Variants in PIAS2 observed in about 807,000 individuals in gnomAD.
The protein encoded by PIAS2 is E3 SUMO-protein ligase PIAS2.
PIAS2 carries 19 observed loss-of-function variants against 69.7 expected under a neutral mutation model. The ratio of observed to expected loss-of-function variants is 0.27; its 90% CI spans 0.19 to 0.40. The LOEUF is 0.40. PIAS2 is among the 10% of genes least tolerant of loss of function. PIAS2 has a pLI of 1.00. For synonymous variants in PIAS2, 261 were observed against 263.2 expected (o/e 0.99, Z 0.08); for missense variants, 624 against 757.0 (o/e 0.82, Z 2.06).
At position 46,807,370 on chromosome 18, in the gene PIAS2, TATATATATATA is replaced by T. The variant is rs1302278539; in HGVS notation, c.*5052_*5062del. 4 of 28,312 alleles carry T rather than the reference TATATATATATA, an allele frequency of 1.4e-4. No homozygotes were observed. Among genetic ancestry groups the T allele is most frequent in the East Asian group, 4.9e-4 (1 of 2,032 alleles). The allele number at this position is 28,312 out of a possible 1,614,324, so 1.8% of individuals were successfully genotyped here. ...ATGTCAGATTTTATATATATATATATATATATATATATATTTTTTTTTTTTTTTTTTTTTTT... is the reference window on the plus strand; with the variant it reads ...ATGTCAGATTTTATATATATATATATTATTTTTTTTTTTTTTTTTTTTTTT... On this transcript the variant is annotated 3_prime_UTR_variant, in exon 14 of 14. Coordinates refer to ENST00000585916, the MANE Select transcript of PIAS2 (RefSeq NM_004671.5).
chr18:46,887,123 C>G (rs2053335272), intron 2 of PIAS2, among the ~76,000 whole-genome samples: 1 of 152,128 alleles, frequency 6.6e-6, no homozygotes, highest in South Asian at 2.1e-4. Flanking sequence ...GGACTTTGTA[C>G]AAACAAATAA....
At position 46,804,541 on chromosome 18, in the gene PIAS2, G is replaced by C. The variant is rs916236247; in HGVS notation, c.*7892C>G. 6 of 152,026 alleles carry C rather than the reference G, an allele frequency of 3.9e-5. No individual in the cohort carries two copies. Among genetic ancestry groups the C allele is most frequent in the Non-Finnish European group, 7.4e-5 (5 of 68,018 alleles). The allele number at this position is 152,026 out of a possible 1,614,324, so 9.4% of individuals were successfully genotyped here. A position where few individuals can be genotyped will look rare whatever the true frequency, so the allele number is the denominator to read the frequency against. ...TCAATGTCTCATCACTGTTTTACAA[G>C]GCCCTTCACGATCTATCTATGCATA... On this transcript the variant is annotated 3_prime_UTR_variant, in exon 14 of 14. Transcript: ENST00000585916.
At chr18:46,911,083 AG>A (rs1218108918) in intron 1 of PIAS2, among the ~76,000 whole-genome samples, 1 of 152,202 alleles carries the variant, frequency 6.6e-6, no homozygotes, top group Non-Finnish European at 1.5e-5. Context: ...AAATTAGAAA[AG>A]GCAGGCCAAG....
intron 1 of PIAS2, among the ~76,000 whole-genome samples, chr18:46,900,505 C>CAAAAA (rs770336105): frequency 7.0e-6 from 1 of 143,040 alleles, no homozygotes; most frequent in Non-Finnish European, 1.5e-5. Context: ...CAGGTTCTAC[C>CAAAAA]AAAAAAAAAA....
chr18:46,886,808 A>G (rs1006922966), intron 2 of PIAS2, among the ~76,000 whole-genome samples: 18 of 152,080 alleles, frequency 1.2e-4, no homozygotes, highest in Admixed American at 6.5e-4. Flanking sequence ...ACCGCCCTCC[A>G]TCCTGGGCGA....
rs370238206 is a variant in PIAS2, at chr18:46,844,829, A to G, written c.872T>C (p.Met291Thr). 1.1e-5 allele frequency: 15 copies of G among 1,414,962 alleles called. No individual in the cohort carries two copies. Among genetic ancestry groups the G allele is most frequent in the Non-Finnish European group, 1.4e-5 (15 of 1,062,940 alleles). 87.7% of individuals were successfully genotyped at this position (1,414,962 alleles called of 1,614,324 possible). A position where few individuals can be genotyped will look rare whatever the true frequency, so the allele number is the denominator to read the frequency against. Residue 291 changes from methionine to threonine, a missense_variant, in exon 7 of 14, where the codon ATG becomes ACG. Transcript: ENST00000585916. Reference protein sequence around the residue: ...WASEIGKNYSMSVYLVRQLTS... With the variant: ...WASEIGKNYSTSVYLVRQLTS... ...AAGCTGCCGTACAAGATATACAGAC[A>G]TAGAGTAATTCTACAAACAAACAAA... is the stretch of plus-strand genomic sequence containing the variant.
intron 1 of PIAS2, among the ~76,000 whole-genome samples, chr18:46,902,600 T>G (rs879938884): frequency 1.3e-5 from 2 of 152,118 alleles, no homozygotes; most frequent in Non-Finnish European, 2.9e-5. Flanking sequence ...AAATAAATTC[T>G]TCACGGATTG....
At chr18:46,892,602 G>A (rs966223650) in intron 1 of PIAS2, among the ~76,000 whole-genome samples, 4 of 151,310 alleles carry the variant, frequency 2.6e-5, no homozygotes, top group South Asian at 2.1e-4. Context: ...CTAACACCCC[G>A]TCTCCACAAA....
At chr18:46,914,067 A>G (rs1237000078) in intron 1 of PIAS2, among the ~76,000 whole-genome samples, 1 of 152,226 alleles carries the variant, frequency 6.6e-6, no homozygotes, top group East Asian at 1.9e-4. Context: ...TTAATTCAAA[A>G]TCTGTTCATT....
At chr18:46,887,740 T>C (rs2053441101) in intron 2 of PIAS2, among the ~76,000 whole-genome samples, 1 of 152,196 alleles carries the variant, frequency 6.6e-6, no homozygotes, top group South Asian at 2.1e-4. Flanking sequence ...TAAGTCCCTT[T>C]ATAAAAATAT....
At chr18:46,856,990 T>C (rs540614201) in intron 3 of PIAS2, among the ~76,000 whole-genome samples, 1 of 152,368 alleles carries the variant, frequency 6.6e-6, no homozygotes, top group African/African-American at 2.4e-5. Context: ...CTGTTAAAGA[T>C]GGAAAATTAC....
intron 2 of PIAS2, 60 bp downstream of exon 2, chr18:46,890,520 G>T: frequency 1.0e-6 from 1 of 986,338 alleles, no homozygotes; most frequent in Non-Finnish European, 1.5e-6. Flanking sequence ...ATCAATAGTT[G>T]AAGGTCTCTC....
At chr18:46,820,173 A>T (rs1028500721) in intron 12 of PIAS2, among the ~76,000 whole-genome samples, 8 of 152,248 alleles carry the variant, frequency 5.3e-5, no homozygotes, top group Admixed American at 3.9e-4. Context: ...AAGTTAACAG[A>T]TTAACTATCT....
chr18:46,918,304 G>T (rs2058238293), upstream of PIAS2, among the ~76,000 whole-genome samples: 1 of 152,106 alleles, frequency 6.6e-6, no homozygotes, highest in South Asian at 2.1e-4. Context: ...TGAAGAATTG[G>T]GTGGAACCCA....
intron 1 of PIAS2, among the ~76,000 whole-genome samples, chr18:46,916,403 T>A (rs938063744): frequency 8.8e-5 from 13 of 147,022 alleles, no homozygotes; most frequent in South Asian, 4.3e-4. Flanking sequence ...TTGATACATT[T>A]AAAAAAAAAA....
At chr18:46,912,746 A>T (rs1263734213) in intron 1 of PIAS2, among the ~76,000 whole-genome samples, 1 of 152,204 alleles carries the variant, frequency 6.6e-6, no homozygotes, top group South Asian at 2.1e-4. Flanking sequence ...TGGAACAACA[A>T]TAAAACCCTA....
At chr18:46,815,960 T>G (rs1396089812) in intron 12 of PIAS2, 1 of 985,264 alleles carries the variant, frequency 1.0e-6, no homozygotes, top group Admixed American at 6.2e-5. Flanking sequence ...ATTGTCCAAT[T>G]CGATTTTAGA....
At chr18:46,829,972 AC>A in intron 9 of PIAS2, 105 bp from the exon 10 acceptor site, 1 of 964,884 alleles carries the variant, frequency 1.0e-6, no homozygotes, top group Non-Finnish European at 1.6e-6. Flanking sequence ...ATGTTAGCTG[AC>A]CCCCTTTTCT....
intron 9 of PIAS2, among the ~76,000 whole-genome samples, chr18:46,832,356 CGCTGA>C (rs2043764160): frequency 6.6e-6 from 1 of 151,604 alleles, no homozygotes; most frequent in Non-Finnish European, 1.5e-5. Flanking sequence ...TGGAAGGTTG[CGCTGA>C]GCTGAGATCA....
Sources: gnomAD v4.1 joint callset for allele counts (sites outside exome capture counted in the v4.1 genomes callset) on GRCh38, gnomAD v4.1.1 for gene constraint, MANE v1.5 for transcripts, NCBI Gene and HGNC (gene_info 2026-07-23, HGNC 2026-07-21) for gene names.